Variants in ADGRB3 observed in about 807,000 individuals in gnomAD.
ADGRB3 encodes the protein brain-specific angiogenesis inhibitor 3.
ADGRB3 carries 37 observed loss-of-function variants against 193.4 expected under a neutral mutation model. That is an observed-to-expected ratio of 0.19 (90% CI 0.15 to 0.25). The LOEUF (loss-of-function observed/expected upper bound fraction) is 0.25, where lower values mean the gene tolerates loss of function less well. Ranked by LOEUF, ADGRB3 falls within the 10% of genes least tolerant of loss-of-function variation. The pLI is 1.00. For synonymous variants in ADGRB3, 690 were observed against 644.2 expected, an observed-to-expected ratio of 1.07 and a Z score of -1.08; for missense variants, 1,637 against 1,852.9, an observed-to-expected ratio of 0.88 and a Z score of 2.14.
Position 69,301,866 on chromosome 6 carries a change from G to A in ADGRB3, c.2815-23006G>A, listed in dbSNP as rs547585518. Among the ~76,000 whole-genome samples the A allele has an allele frequency of 2.7e-4, 41 of 152,040 alleles. No individual in the cohort carries two copies. The South Asian group carries it at 3.7e-3, about 14-fold the overall frequency. On this transcript the variant is annotated intron_variant, in intron 20 of 31. Coordinates refer to ENST00000370598, the MANE Select transcript of ADGRB3 (RefSeq NM_001704.3). Reference sequence around the variant, plus strand: ...TAGATGCAGGATTTCTATAAGGAAAGCACATCTATGGACTCTAATATAATT... The same window carrying A: ...TAGATGCAGGATTTCTATAAGGAAAACACATCTATGGACTCTAATATAATT...
chr6:69,309,650 G>A (rs977439990), intron 20 of ADGRB3, among the ~76,000 whole-genome samples: 16 of 151,608 alleles, frequency 1.1e-4, no homozygotes, highest in African/African-American at 3.9e-4. Context: ...ATGGTATTTG[G>A]TTCATTTGAA....
At chr6:69,260,308 G>A (rs995256390) in intron 20 of ADGRB3, among the ~76,000 whole-genome samples, 1 of 151,990 alleles carries the variant, frequency 6.6e-6, no homozygotes, top group East Asian at 1.9e-4. Context: ...CAGGTTATAG[G>A]GTCCTACCTT....
chr6:68,755,648 C>T (rs920609412), intron 3 of ADGRB3, among the ~76,000 whole-genome samples: 1 of 152,050 alleles, frequency 6.6e-6, no homozygotes, highest in Non-Finnish European at 1.5e-5. Flanking sequence ...GAGATCAACC[C>T]AGGGGACTGT....
chr6:68,786,310 C>T (rs1446589436), intron 3 of ADGRB3, among the ~76,000 whole-genome samples: 3 of 151,910 alleles, frequency 2.0e-5, no homozygotes, highest in African/African-American at 7.3e-5. Flanking sequence ...GTCTTTAATC[C>T]ATCTTGAATT....
At chr6:68,702,580 G>T (rs997507831) in intron 3 of ADGRB3, among the ~76,000 whole-genome samples, 1 of 152,090 alleles carries the variant, frequency 6.6e-6, no homozygotes. Context: ...GATCAGTTTC[G>T]CTGCTCTACA....
At chr6:69,298,670 A>G (rs1346231485) in intron 20 of ADGRB3, among the ~76,000 whole-genome samples, 3 of 152,046 alleles carry the variant, frequency 2.0e-5, no homozygotes, top group Non-Finnish European at 4.4e-5. Context: ...TTCATTTACC[A>G]TAATGTGCTC....
At chr6:69,210,337 G>C (rs951724087) in intron 17 of ADGRB3, among the ~76,000 whole-genome samples, 1 of 151,304 alleles carries the variant, frequency 6.6e-6, no homozygotes, top group Non-Finnish European at 1.5e-5. Context: ...AGGCCTGGAG[G>C]CTAGGCCAGT....
At chr6:69,353,251 G>A (rs570112950) in intron 26 of ADGRB3, among the ~76,000 whole-genome samples, 3 of 152,258 alleles carry the variant, frequency 2.0e-5, no homozygotes, top group South Asian at 2.1e-4. Flanking sequence ...TAGAACTTTC[G>A]TGAGATGTGT....
intron 3 of ADGRB3, among the ~76,000 whole-genome samples, chr6:68,781,601 A>G (rs1053729702): frequency 6.6e-6 from 1 of 152,110 alleles, no homozygotes; most frequent in African/African-American, 2.4e-5. Flanking sequence ...TTCATACCAG[A>G]TAAATCAATA....
At chr6:69,209,214 C>T (rs1465793206) in intron 17 of ADGRB3, among the ~76,000 whole-genome samples, 5 of 152,172 alleles carry the variant, frequency 3.3e-5, no homozygotes, top group Admixed American at 1.3e-4. Context: ...TCAAAACTGG[C>T]GGCCTTTCAG....
chr6:68,782,817 GT>G (rs1242801444), intron 3 of ADGRB3, among the ~76,000 whole-genome samples: 1 of 151,284 alleles, frequency 6.6e-6, no homozygotes, highest in African/African-American at 2.4e-5. Context: ...TTTTGATGGG[GT>G]TGTTTGTTTT....
chr6:68,841,889 G>A (rs1235948357), intron 3 of ADGRB3, among the ~76,000 whole-genome samples: 1 of 151,792 alleles, frequency 6.6e-6, no homozygotes, highest in Non-Finnish European at 1.5e-5. Context: ...GTGTGTGTGT[G>A]GCAAGGAGTG....
Position 68,852,363 on chromosome 6 carries a change from G to A in ADGRB3, c.758-78196G>A, listed in dbSNP as rs12528117. ...TTAAATTGCTAAATTAGCATATATTGAATACATTAAGTAACATTGAAAAAT... is the reference window on the plus strand; with the variant it reads ...TTAAATTGCTAAATTAGCATATATTAAATACATTAAGTAACATTGAAAAAT... On this transcript the variant is annotated intron_variant, in intron 3 of 31. Transcript: ENST00000370598. Among the ~76,000 whole-genome samples, 438 of 151,888 alleles carry A rather than the reference G, an allele frequency of 2.9e-3. 3 individuals carry two copies. Among genetic ancestry groups the A allele is most frequent in the African/African-American group, 9.1e-3 (376 of 41,508 alleles).
At chr6:69,238,377 G>A (rs1333325590) in intron 19 of ADGRB3, among the ~76,000 whole-genome samples, 1 of 152,038 alleles carries the variant, frequency 6.6e-6, no homozygotes, top group Non-Finnish European at 1.5e-5. Context: ...ATTCTGAGCA[G>A]TTTTCTCTAT....
intron 17 of ADGRB3, among the ~76,000 whole-genome samples, chr6:69,169,492 T>C (rs1775218102): frequency 6.7e-6 from 1 of 150,230 alleles, no homozygotes. Context: ...GATATAAAAG[T>C]AATTACAAAT....
chr6:69,166,030 C>T (rs931990251), intron 17 of ADGRB3, among the ~76,000 whole-genome samples: 1 of 152,102 alleles, frequency 6.6e-6, no homozygotes, highest in Non-Finnish European at 1.5e-5. Flanking sequence ...TTACTGAGCA[C>T]TGACTACTCT....
chr6:69,273,917 A>AAAAAC (rs921648099), intron 20 of ADGRB3, among the ~76,000 whole-genome samples: 11 of 152,330 alleles, frequency 7.2e-5, no homozygotes, highest in Admixed American at 2.0e-4. Context: ...GTAGTTAGAA[A>AAAAAC]AAAACAAAAC....
chr6:69,281,405 C>A (rs1767433361), intron 20 of ADGRB3, among the ~76,000 whole-genome samples: 2 of 152,166 alleles, frequency 1.3e-5, no homozygotes, highest in Non-Finnish European at 2.9e-5. Flanking sequence ...GGAGGGAAAC[C>A]TTTGGTGTTC....
chr6:69,294,611 G>C (rs1292103284), intron 20 of ADGRB3, among the ~76,000 whole-genome samples: 1 of 152,160 alleles, frequency 6.6e-6, no homozygotes, highest in Non-Finnish European at 1.5e-5. Context: ...ACAGTGCACT[G>C]TTAGCTCTTA....
Sources: allele counts gnomAD v4.1 joint callset (sites outside exome capture counted in the v4.1 genomes callset), GRCh38; gene constraint gnomAD v4.1.1; transcripts MANE v1.5; gene names NCBI Gene and HGNC (gene_info 2026-07-23, HGNC 2026-07-21).